The following PCDH9 variants were observed in gnomAD, a reference collection of about 807,000 sequenced individuals.
PCDH9 encodes the protein protocadherin 9, also known as protocadherin-9.
Under a neutral mutation model 70.6 loss-of-function variants are expected in PCDH9, and 24 were observed. The ratio of observed to expected loss-of-function variants is 0.34; its 90% confidence interval spans 0.25 to 0.48. The LOEUF is 0.48. Ranked by LOEUF, PCDH9 falls within the 20% of genes least tolerant of loss-of-function variation. PCDH9 has a pLI of 0.99. For synonymous variants in PCDH9, 562 were observed against 558.5 expected, an observed-to-expected ratio of 1.01 and a Z score of -0.09; for missense variants, 1,281 against 1,503.6, an observed-to-expected ratio of 0.85 and a Z score of 2.45.
At chr13:66,450,886 C>A (rs192717813) in intron 4 of PCDH9, among the ~76,000 whole-genome samples, 2 of 152,098 alleles carry the variant, frequency 1.3e-5, no homozygotes, top group African/African-American at 4.8e-5. Flanking sequence ...GGCGTGGTGG[C>A]GGCCCCTGTA....
At chr13:66,660,869 C>CA (rs1256053043) in intron 3 of PCDH9, among the ~76,000 whole-genome samples, 1 of 150,394 alleles carries the variant, frequency 6.6e-6, no homozygotes, top group Non-Finnish European at 1.5e-5. Context: ...TTTTGATTTG[C>CA]TTCTGGAAAT....
intron 3 of PCDH9, among the ~76,000 whole-genome samples, chr13:66,664,556 T>C (rs2078066285): frequency 6.6e-6 from 1 of 152,162 alleles, no homozygotes; most frequent in African/African-American, 2.4e-5. Context: ...GGAAGCACTG[T>C]AGTAGACAAC....
intron 4 of PCDH9, among the ~76,000 whole-genome samples, chr13:66,622,887 C>T (rs1414657141): frequency 6.6e-6 from 1 of 152,186 alleles, no homozygotes. Flanking sequence ...CCTTTATGAG[C>T]TGTAACACTC....
chr13:66,683,161 A>G (rs1227489901), intron 3 of PCDH9, among the ~76,000 whole-genome samples: 1 of 152,150 alleles, frequency 6.6e-6, no homozygotes. Context: ...GGAGGCTTCA[A>G]TGGTGATGTA....
At chr13:66,558,815 G>A (rs1295731007) in intron 4 of PCDH9, among the ~76,000 whole-genome samples, 2 of 152,122 alleles carry the variant, frequency 1.3e-5, no homozygotes, top group Non-Finnish European at 2.9e-5. Flanking sequence ...GACTCCTTGG[G>A]GCAAAAGTTC....
At chr13:67,214,896 A>G (rs1310550203) in intron 2 of PCDH9, 2 of 133,320 alleles carry the variant, frequency 1.5e-5, no homozygotes, top group Admixed American at 8.3e-5. Context: ...AGGTAGAAAA[A>G]CAGGTAACAT....
chr13:66,492,160 C>G (rs1959044406), intron 4 of PCDH9, among the ~76,000 whole-genome samples: 2 of 152,060 alleles, frequency 1.3e-5, no homozygotes, highest in Admixed American at 1.3e-4. Flanking sequence ...TGTGATACTA[C>G]TTTTTCATGA....
intron 2 of PCDH9, among the ~76,000 whole-genome samples, chr13:67,000,437 T>A (rs1218703519): frequency 3.3e-5 from 5 of 151,546 alleles, no homozygotes; most frequent in Admixed American, 1.3e-4. Context: ...CATATGTAAC[T>A]AACCTGCACA....
At chr13:66,436,235 G>A (rs1004283359) in intron 4 of PCDH9, among the ~76,000 whole-genome samples, 4 of 152,076 alleles carry the variant, frequency 2.6e-5, no homozygotes, top group Admixed American at 1.3e-4. Context: ...CTTCACACTC[G>A]TGGGTTTGAA....
At chr13:66,905,386 C>T (rs1387501526) in intron 2 of PCDH9, among the ~76,000 whole-genome samples, 1 of 152,088 alleles carries the variant, frequency 6.6e-6, no homozygotes, top group Non-Finnish European at 1.5e-5. Context: ...GAGTCTCACC[C>T]TGACTGTATA....
intron 4 of PCDH9, among the ~76,000 whole-genome samples, chr13:66,541,303 A>T (rs1306423873): frequency 1.3e-5 from 2 of 152,154 alleles, no homozygotes; most frequent in Non-Finnish European, 2.9e-5. Context: ...TGTAAGGTAG[A>T]GAAACCTCCA....
At chr13:66,934,075 C>T (rs2082863370) in intron 2 of PCDH9, among the ~76,000 whole-genome samples, 1 of 152,094 alleles carries the variant, frequency 6.6e-6, no homozygotes, top group African/African-American at 2.4e-5. Context: ...GCCTGCCTGC[C>T]TACTGCCTGC....
chr13:66,413,621 G>A (rs2138329296), intron 4 of PCDH9, among the ~76,000 whole-genome samples: 1 of 152,098 alleles, frequency 6.6e-6, no homozygotes, highest in Admixed American at 6.5e-5. Flanking sequence ...GGGAGGCGGA[G>A]CTTGCAGTGA....
At chr13:67,071,275 T>C (rs1179311115) in intron 2 of PCDH9, among the ~76,000 whole-genome samples, 1 of 152,148 alleles carries the variant, frequency 6.6e-6, no homozygotes, top group Non-Finnish European at 1.5e-5. Context: ...TTCAACACTA[T>C]TTAAATCACA....
chr13:66,450,121 T>C (rs1958174854), intron 4 of PCDH9, among the ~76,000 whole-genome samples: 1 of 152,164 alleles, frequency 6.6e-6, no homozygotes, highest in Admixed American at 6.5e-5. Context: ...AACTACATCT[T>C]ACCCTAGAAA....
At chr13:67,150,707 C>A (rs1316083450) in intron 2 of PCDH9, among the ~76,000 whole-genome samples, 1 of 152,168 alleles carries the variant, frequency 6.6e-6, no homozygotes, top group African/African-American at 2.4e-5. Context: ...CTAACATAAA[C>A]TTGTTTTAAA....
intron 2 of PCDH9, among the ~76,000 whole-genome samples, chr13:67,086,396 G>T (rs2086108242): frequency 6.6e-6 from 1 of 152,184 alleles, no homozygotes; most frequent in African/African-American, 2.4e-5. Flanking sequence ...AAATTGCTAT[G>T]TAAATATCAG....
At chr13:66,404,938 A>AT (rs1236220942) in intron 4 of PCDH9, among the ~76,000 whole-genome samples, 7 of 152,052 alleles carry the variant, frequency 4.6e-5, no homozygotes, top group East Asian at 1.9e-4. Flanking sequence ...TCCTCTTTCC[A>AT]TTTTTTTATT....
intron 4 of PCDH9, among the ~76,000 whole-genome samples, chr13:66,370,969 C>G (rs576913349): frequency 9.0e-4 from 137 of 152,138 alleles, no homozygotes; most frequent in African/African-American, 3.1e-3. Context: ...TGGGTAAATT[C>G]AAAACAATAT....
Sources: gnomAD v4.1 joint callset for allele counts (sites outside exome capture counted in the v4.1 genomes callset) on GRCh38, gnomAD v4.1.1 for gene constraint, MANE v1.5 for transcripts, NCBI Gene and HGNC (gene_info 2026-07-23, HGNC 2026-07-21) for gene names.